FANCA: variants seen among roughly 807,000 people sequenced by gnomAD.
The protein encoded by FANCA is Fanconi anemia group A protein.
Under a neutral mutation model 194.3 loss-of-function variants are expected in FANCA, and 236 were observed. The observed-to-expected ratio is 1.21, with a 90% CI of 1.09 to 1.35. The LOEUF (loss-of-function observed/expected upper bound fraction) is 1.35. Among genes scored for constraint, FANCA ranks in the 40% most tolerant of loss-of-function variants. The pLI, the probability that FANCA is intolerant of heterozygous loss-of-function variation, is 0.00. For missense variants in FANCA, 2,628 were observed against 1,813.9 expected (o/e 1.45, Z -8.15); for synonymous variants, 1,014 against 715.8 (o/e 1.42, Z -6.65).
At position 89,748,756 on chromosome 16, in the gene FANCA, CGGAGGAG is replaced by C. The variant is rs2143128346; in HGVS notation, c.3244_3250del (p.Leu1082AlafsTer33). On this transcript the variant is annotated frameshift_variant, in exon 33 of 43. Transcript: ENST00000389301. LOFTEE classifies it high-confidence loss of function. ...GCCGCAGAGGACAGACGAAGGCAGG[CGGAGGAG>C]GATCCTGGAAAGAAGGGGCTGTATT... 1.2e-6 allele frequency: 2 copies of C among 1,613,774 alleles called. No homozygotes were observed. Among genetic ancestry groups the C allele is most frequent in the Non-Finnish European group, 1.7e-6 (2 of 1,179,902 alleles).
At chr16:89,743,984 A>G (rs2062190077) in intron 36 of FANCA, among the ~76,000 whole-genome samples, 1 of 151,578 alleles carries the variant, frequency 6.6e-6, no homozygotes, top group Non-Finnish European at 1.5e-5. Context: ...TGCAACCTCC[A>G]CCTCCTGGGT....
At chr16:89,757,940 C>G (rs4490003) in intron 30 of FANCA, among the ~76,000 whole-genome samples, 1 of 151,972 alleles carries the variant, frequency 6.6e-6, no homozygotes, top group South Asian at 2.1e-4. Flanking sequence ...ACTGCAACCT[C>G]TGCCTCCCAG....
chr16:89,766,158 G>C (rs928010621), intron 27 of FANCA, among the ~76,000 whole-genome samples: 1 of 151,284 alleles, frequency 6.6e-6, no homozygotes, highest in East Asian at 2.0e-4. Context: ...CACCACGCCT[G>C]GCTAATTTTT....
chr16:89,797,264 T>C (rs2238532), intron 10 of FANCA, among the ~76,000 whole-genome samples: 9,442 of 150,918 alleles, frequency 0.063, 467 homozygotes, highest in East Asian at 0.24. Flanking sequence ...CCAGGAGGCA[T>C]AGGTTGTAGT....
At chr16:89,769,209 A>G (rs1238117468) in intron 26 of FANCA, among the ~76,000 whole-genome samples, 2 of 152,224 alleles carry the variant, frequency 1.3e-5, no homozygotes, top group Admixed American at 6.5e-5. Context: ...CCTCTGCCCA[A>G]GAGACCAGAA....
rs1224981781 is a variant in FANCA, at chr16:89,759,318, T to TTAAAAAAAAAAAAAAAAAA, written c.2853-614_2853-613insTTTTTTTTTTTTTTTTTTA. Among the ~76,000 whole-genome samples, 66 of 75,206 alleles carry TTAAAAAAAAAAAAAAAAAA rather than the reference T, an allele frequency of 8.8e-4. 25 individuals are homozygous for TTAAAAAAAAAAAAAAAAAA. The highest frequency in any genetic ancestry group is 2.9e-3 in the African/African-American group (57 of 19,548). The allele number at this position is 75,206 out of a possible 152,430, so 49.3% of individuals were successfully genotyped here. On this transcript the variant is annotated intron_variant, in intron 29 of 42. Coordinates refer to ENST00000389301, the MANE Select transcript of FANCA (RefSeq NM_000135.4). ...TTGGGCAACAGAGCGAGACTCCGTC[T>TTAAAAAAAAAAAAAAAAAA]AAAAAAAAAAAAAAAAAAAAAAAAA...
At chr16:89,788,244 C>T (rs2039960262) in intron 14 of FANCA, among the ~76,000 whole-genome samples, 1 of 151,820 alleles carries the variant, frequency 6.6e-6, no homozygotes, top group Non-Finnish European at 1.5e-5. Flanking sequence ...GGGCGGATGA[C>T]AAACTCAAGA....
chr16:89,776,773 G>A (rs2039521301), intron 20 of FANCA, among the ~76,000 whole-genome samples: 1 of 152,048 alleles, frequency 6.6e-6, no homozygotes, highest in South Asian at 2.1e-4. Context: ...GGAGCTTGCA[G>A]TGAGCCGAGA....
At chr16:89,770,481 G>A (rs889099862) in intron 24 of FANCA, 83 bp downstream of exon 24, 1 of 1,318,612 alleles carries the variant, frequency 7.6e-7, no homozygotes, top group Non-Finnish European at 1.1e-6. Flanking sequence ...ACGAGCTCAT[G>A]AGTCCCTGGT....
chr16:89,815,691 A>G (rs1722066769), intron 2 of FANCA, among the ~76,000 whole-genome samples, 186 bp downstream of exon 2: 1 of 152,030 alleles, frequency 6.6e-6, no homozygotes, highest in Admixed American at 6.6e-5. Flanking sequence ...TTTTAATAAA[A>G]GAGGCGGGGT....
intron 29 of FANCA, 78 bp from the exon 30 acceptor site, chr16:89,758,783 A>C: frequency 9.4e-6 from 15 of 1,593,108 alleles, no homozygotes; most frequent in Non-Finnish European, 1.3e-5. Flanking sequence ...GAATAGGCCC[A>C]TAGTAAGGGA....
In FANCA at chr16:89,745,044, G is replaced by A. The variant is rs2143088159; in HGVS notation, c.3541C>T (p.Leu1181=). 6 of 1,609,178 alleles carry A rather than the reference G, an allele frequency of 3.7e-6. No homozygotes were observed. The highest frequency in any genetic ancestry group is 5.1e-6 in the Non-Finnish European group (6 of 1,179,616). The change falls in exon 36 of 43, where the codon CTG becomes TTG. Residue 1181 remains leucine (L), a synonymous_variant. Transcript: ENST00000389301. ...LVWWPSLEPV[L]LCRWRRHCQS... ...CAGTGTCTCCTCCACCGGCAGAGCA[G>A]CACAGGCTCCAGGCTCGGCCACCAC...
rs7185013 is a variant in FANCA, at chr16:89,808,625, G to T, written c.523-258C>A. 0.69 allele frequency among the ~76,000 whole-genome samples: 105,534 copies of T among 151,932 alleles called. 38,042 individuals are homozygous for T. Among genetic ancestry groups the T allele is most frequent in the East Asian group, 1 (5,161 of 5,178 alleles). ...GCTTCTCTTCCTTCTCTCTTCCTACGCACTGTAGCCTACTTCTAACCCTTT... is the reference window on the plus strand; with the variant it reads ...GCTTCTCTTCCTTCTCTCTTCCTACTCACTGTAGCCTACTTCTAACCCTTT... On this transcript the variant is annotated intron_variant, in intron 5 of 42. Coordinates refer to ENST00000389301, the MANE Select transcript of FANCA (RefSeq NM_000135.4).
chr16:89,777,109 C>T (rs2143406278), intron 20 of FANCA, among the ~76,000 whole-genome samples: 1 of 151,948 alleles, frequency 6.6e-6, no homozygotes, highest in Middle Eastern at 3.4e-3. Flanking sequence ...ACTTGGGAGG[C>T]AGAGGGGGAA....
chr16:89,772,515 T>TTAGTGACCC (rs2039360698), intron 22 of FANCA, among the ~76,000 whole-genome samples: 1 of 137,366 alleles, frequency 7.3e-6, no homozygotes, highest in African/African-American at 2.8e-5. Flanking sequence ...CAAAAAAATA[T>TTAGTGACCC]ATATATATCA....
At position 89,738,454 on chromosome 16, in the gene FANCA, G is replaced by A. The variant is rs141761812; in HGVS notation, c.*147C>T. On this transcript the variant is annotated 3_prime_UTR_variant, in exon 43 of 43. Transcript: ENST00000389301. ...CGCAAACGCTGAGTGACTCGGGGCC[G>A]GACAGTTCATAAATAATTGATTCCT... 445 of 1,407,558 alleles carry A rather than the reference G, an allele frequency of 3.2e-4. 2 individuals are homozygous for A. The African/African-American group carries it at 4.7e-3, about 15-fold the overall frequency. The allele number at this position is 1,407,558 out of a possible 1,614,324, so 87.2% of individuals were successfully genotyped here.
At chr16:89,806,898 G>C (rs896078566) in intron 6 of FANCA, among the ~76,000 whole-genome samples, 22 of 152,156 alleles carry the variant, frequency 1.4e-4, no homozygotes, top group African/African-American at 5.3e-4. Context: ...GCCGGGTAGA[G>C]GGGCTCCTCA....
At chr16:89,771,604 T>G in intron 23 of FANCA, 74 bp downstream of exon 23, 1 of 1,534,706 alleles carries the variant, frequency 6.5e-7, no homozygotes, top group East Asian at 2.3e-5. Context: ...GAGAGAAGGC[T>G]CCATGCGTCT....
intron 37 of FANCA, among the ~76,000 whole-genome samples, chr16:89,742,120 G>A (rs2062147957): frequency 6.6e-6 from 1 of 151,960 alleles, no homozygotes; most frequent in African/African-American, 2.4e-5. Flanking sequence ...GGGATTGTAG[G>A]TGCGCACCAC....
Sources: allele counts gnomAD v4.1 joint callset (sites outside exome capture counted in the v4.1 genomes callset), GRCh38; gene constraint gnomAD v4.1.1; transcripts MANE v1.5; gene names NCBI Gene and HGNC (gene_info 2026-07-23, HGNC 2026-07-21).